PLCG2: variants seen among roughly 807,000 people sequenced by gnomAD.
PLCG2 encodes phospholipase C gamma 2.
In PLCG2, 69 loss-of-function variants were observed where a neutral mutation model predicts 175.6. That is an observed-to-expected ratio of 0.39 (90% CI 0.32 to 0.48). PLCG2 has a LOEUF of 0.48. PLCG2 is among the 20% of genes least tolerant of loss of function. The pLI, the probability that PLCG2 is intolerant of heterozygous loss-of-function variation, is 0.91. For synonymous variants in PLCG2, 827 were observed against 624.0 expected, an observed-to-expected ratio of 1.33 and a Z score of -4.85; for missense variants, 1,798 against 1,650.9, an observed-to-expected ratio of 1.09 and a Z score of -1.54.
chr16:81,747,886 T>C (rs905295016), intron 1 of PLCG2, among the ~76,000 whole-genome samples: 1 of 152,142 alleles, frequency 6.6e-6, no homozygotes, highest in African/African-American at 2.4e-5. Flanking sequence ...TGACTTTTTT[T>C]CTTTCCATTT....
chr16:81,758,227 C>T (rs941030253), intron 2 of PLCG2, among the ~76,000 whole-genome samples: 1 of 152,224 alleles, frequency 6.6e-6, no homozygotes, highest in African/African-American at 2.4e-5. Context: ...ATCTGCCTGC[C>T]TGGGCCTCCC....
chr16:81,927,260 G>C (rs926203854), intron 23 of PLCG2, 82 bp downstream of exon 23: 10 of 924,408 alleles, frequency 1.1e-5, no homozygotes, highest in Non-Finnish European at 1.8e-5. Flanking sequence ...ATCTCAGTGG[G>C]TGAATTTTTC....
At chr16:81,859,369 A>T (rs1482119763) in intron 5 of PLCG2, 7 of 534,004 alleles carry the variant, frequency 1.3e-5, no homozygotes, top group Non-Finnish European at 2.4e-5. Context: ...AGAAAATTCA[A>T]GTACAGCCTC....
intron 1 of PLCG2, among the ~76,000 whole-genome samples, chr16:81,744,008 G>A (rs1324376198): frequency 2.0e-5 from 3 of 151,796 alleles, no homozygotes; most frequent in Admixed American, 6.6e-5. Context: ...ACAGGCATCC[G>A]CCACTGCACC....
intron 28 of PLCG2, 43 bp from the exon 29 acceptor site, chr16:81,938,758 C>G: frequency 8.1e-7 from 1 of 1,237,446 alleles, no homozygotes; most frequent in Non-Finnish European, 1.2e-6. Context: ...GCTGCCTGTT[C>G]AGGACCCCAG....
At chr16:81,948,819 C>G (rs1057145149) in intron 31 of PLCG2, among the ~76,000 whole-genome samples, 1 of 152,158 alleles carries the variant, frequency 6.6e-6, no homozygotes. Context: ...GACATGACTA[C>G]TGAACACACA....
chr16:81,749,950 T>A (rs1030617981), intron 1 of PLCG2, among the ~76,000 whole-genome samples: 2 of 151,840 alleles, frequency 1.3e-5, no homozygotes, highest in African/African-American at 2.4e-5. Context: ...GTACCATGGT[T>A]GAGAAAAAGA....
At chr16:81,849,771 C>CAAAAAAAAAAAAA (rs34130863) in intron 2 of PLCG2, among the ~76,000 whole-genome samples, 1 of 83,154 alleles carries the variant, frequency 1.2e-5, no homozygotes, top group African/African-American at 6.2e-5. Context: ...AACTCTGTCT[C>CAAAAAAAAAAAAA]AAAAAAAAAA....
In PLCG2 at chr16:81,880,965, C is replaced by G. The variant is rs567090354; in HGVS notation, c.692+12C>G. ...GTGTTCATCCTGGGGTGAGGCAGCT[C>G]TTGTGTGTCGTTCGGGGCGGCTGTG... On this transcript the variant is annotated intron_variant, in intron 8 of 32. Coordinates refer to ENST00000564138, the MANE Select transcript of PLCG2 (RefSeq NM_002661.5). 101 of 1,613,954 alleles carry G rather than the reference C, an allele frequency of 6.3e-5. 2 individuals carry two copies. In the South Asian group the frequency reaches 9.4e-4, roughly 15 times the overall value.
chr16:81,845,225 G>A (rs1009671360), intron 2 of PLCG2, among the ~76,000 whole-genome samples: 2 of 152,162 alleles, frequency 1.3e-5, no homozygotes, highest in African/African-American at 2.4e-5. Flanking sequence ...ATAGGCATGA[G>A]CCATTGTTCC....
At chr16:81,781,422 T>C (rs1417205471) in intron 1 of PLCG2, among the ~76,000 whole-genome samples, 1 of 151,756 alleles carries the variant, frequency 6.6e-6, no homozygotes, top group African/African-American at 2.4e-5. Flanking sequence ...TGTTTTTTTT[T>C]CTTTTTTTGT....
At chr16:81,940,086 C>T (rs528012639) in intron 30 of PLCG2, 27 bp downstream of exon 30, 29 of 1,579,512 alleles carry the variant, frequency 1.8e-5, no homozygotes, top group Admixed American at 1.5e-4. Flanking sequence ...TTAAGATGTT[C>T]GATTTGGGCT....
chr16:81,956,785 C>G lies in PLCG2; in HGVS notation c.3661C>G (p.Gln1221Glu), dbSNP rs1410297404. ...NNQLFLYDTH[Q>E]NLRNANRDAL... Reference sequence around the variant, plus strand: ...CCAGCTCTTTCTGTATGACACACACCAGAACTTGCGCAATGCCAACCGGGA... The same window carrying G: ...CCAGCTCTTTCTGTATGACACACACGAGAACTTGCGCAATGCCAACCGGGA... The change falls in exon 32 of 33, where the codon CAG becomes GAG. Residue 1221 changes from glutamine (Q) to glutamate (E), a missense_variant. Physicochemically the swap from Gln to Glu is conservative, Grantham distance 29 (BLOSUM62 2). Coordinates refer to ENST00000564138, the MANE Select transcript of PLCG2 (RefSeq NM_002661.5). The G allele has an allele frequency of 1.9e-6, 3 of 1,614,048 alleles. No individual in the cohort carries two copies. Among genetic ancestry groups the G allele is most frequent in the African/African-American group, 2.7e-5 (2 of 74,918 alleles).
chr16:81,923,991 A>G (rs1004757006), intron 22 of PLCG2, among the ~76,000 whole-genome samples: 3 of 152,236 alleles, frequency 2.0e-5, no homozygotes, highest in Admixed American at 1.3e-4. Flanking sequence ...ACAAATAAAT[A>G]CTAAATACTA....
intron 32 of PLCG2, among the ~76,000 whole-genome samples, chr16:81,957,376 C>G (rs1488265456): frequency 1.3e-5 from 2 of 152,180 alleles, no homozygotes; most frequent in Non-Finnish European, 2.9e-5. Context: ...AATTAACCTA[C>G]AGTAATACCT....
intron 15 of PLCG2, 53 bp from the exon 16 acceptor site, chr16:81,907,632 C>G: frequency 7.6e-7 from 1 of 1,322,392 alleles, no homozygotes. Context: ...CTGGGCTCCA[C>G]AGTTGATGAG....
At chr16:81,829,023 T>A (rs1367550054) in intron 2 of PLCG2, among the ~76,000 whole-genome samples, 1 of 152,192 alleles carries the variant, frequency 6.6e-6, no homozygotes, top group African/African-American at 2.4e-5. Context: ...GACCTGGCTT[T>A]TAATGATGAC....
intron 2 of PLCG2, among the ~76,000 whole-genome samples, chr16:81,771,080 A>G (rs1910271643): frequency 6.6e-6 from 1 of 151,846 alleles, no homozygotes; most frequent in African/African-American, 2.4e-5. Context: ...AAATAAATAA[A>G]TAAATAAAAG....
intron 8 of PLCG2, 129 bp from the exon 9 acceptor site, chr16:81,883,140 G>C (rs998432346): frequency 1.6e-5 from 12 of 736,622 alleles, no homozygotes; most frequent in East Asian, 2.6e-5. Context: ...TGGCCAACCT[G>C]GTACCTAACA....
Sources: gnomAD v4.1 joint callset for allele counts (sites outside exome capture counted in the v4.1 genomes callset) on GRCh38, gnomAD v4.1.1 for gene constraint, MANE v1.5 for transcripts, NCBI Gene and HGNC (gene_info 2026-07-23, HGNC 2026-07-21) for gene names.